Variants in SCFD2 observed in about 807,000 individuals in gnomAD.
The protein encoded by SCFD2 is sec1 family domain containing 2, also known as sec1 family domain-containing protein 2.
Under a neutral mutation model 58.9 loss-of-function variants are expected in SCFD2, and 54 were observed. The ratio of observed to expected loss-of-function variants is 0.92; its 90% confidence interval spans 0.74 to 1.15. The LOEUF is 1.15. Ranked by LOEUF, SCFD2 falls within the 50% of genes most tolerant of loss-of-function variation. SCFD2 has a pLI of 0.00. For synonymous variants in SCFD2, 321 were observed against 335.9 expected (o/e 0.96, Z 0.49); for missense variants, 805 against 836.6 (o/e 0.96, Z 0.47).
intron 4 of SCFD2, among the ~76,000 whole-genome samples, chr4:53,250,386 G>C (rs1437886743): frequency 6.6e-6 from 1 of 152,144 alleles, no homozygotes; most frequent in African/African-American, 2.4e-5. Flanking sequence ...ACATTAGACA[G>C]ATCAACAAGA....
chr4:52,921,288 A>G (rs184528168), intron 5 of SCFD2, among the ~76,000 whole-genome samples: 155 of 152,306 alleles, frequency 1.0e-3, no homozygotes, highest in Non-Finnish European at 2.0e-3. Context: ...AGTTTCCATA[A>G]AGCAGGACAG....
At chr4:53,047,355 G>T (rs1723067506) in intron 5 of SCFD2, among the ~76,000 whole-genome samples, 1 of 152,140 alleles carries the variant, frequency 6.6e-6, no homozygotes, top group Admixed American at 6.5e-5. Flanking sequence ...GGCTGAGGTG[G>T]GAGGATCACT....
intron 5 of SCFD2, among the ~76,000 whole-genome samples, chr4:53,119,292 T>G (rs960722391): frequency 5.4e-5 from 8 of 149,502 alleles, no homozygotes; most frequent in African/African-American, 2.0e-4. Flanking sequence ...CACTCCAGCT[T>G]GGGCAACAGA....
chr4:53,243,676 C>T (rs1729971057), intron 4 of SCFD2, among the ~76,000 whole-genome samples: 2 of 148,768 alleles, frequency 1.3e-5, no homozygotes, highest in Non-Finnish European at 3.0e-5. Flanking sequence ...TTAAAAGGCA[C>T]AAAGTAGCAA....
At chr4:53,090,117 T>C (rs1394589343) in intron 5 of SCFD2, among the ~76,000 whole-genome samples, 11 of 152,194 alleles carry the variant, frequency 7.2e-5, no homozygotes, top group Non-Finnish European at 1.5e-4. Context: ...GAAACTATGA[T>C]GTCTGGGTGG....
chr4:53,253,414 A>T (rs1730473701), intron 4 of SCFD2, among the ~76,000 whole-genome samples: 1 of 152,140 alleles, frequency 6.6e-6, no homozygotes, highest in African/African-American at 2.4e-5. Flanking sequence ...ACTATAAATC[A>T]TGCTGCTATA....
At chr4:53,076,297 A>G (rs868147957) in intron 5 of SCFD2, among the ~76,000 whole-genome samples, 1 of 152,158 alleles carries the variant, frequency 6.6e-6, no homozygotes, top group Admixed American at 6.6e-5. Flanking sequence ...AAAAATTCCA[A>G]TTTTATAAAG....
chr4:53,090,274 C>T (rs1210098385), intron 5 of SCFD2, among the ~76,000 whole-genome samples: 1 of 152,158 alleles, frequency 6.6e-6, no homozygotes, highest in Non-Finnish European at 1.5e-5. Flanking sequence ...AAACCTCTCA[C>T]AAACAGTTGG....
At chr4:53,052,717 G>C (rs1723217676) in intron 5 of SCFD2, among the ~76,000 whole-genome samples, 1 of 152,048 alleles carries the variant, frequency 6.6e-6, no homozygotes, top group Non-Finnish European at 1.5e-5. Context: ...GTCTGTTCTT[G>C]GTTCACTTTC....
intron 5 of SCFD2, among the ~76,000 whole-genome samples, chr4:52,969,956 T>C (rs531440540): frequency 7.0e-4 from 107 of 152,296 alleles, no homozygotes; most frequent in Middle Eastern, 3.4e-3. Flanking sequence ...TTTTCTTCAA[T>C]ACAGTTGCAT....
At chr4:52,986,521 C>G (rs563862529) in intron 5 of SCFD2, among the ~76,000 whole-genome samples, 3 of 101,742 alleles carry the variant, frequency 2.9e-5, no homozygotes, top group East Asian at 6.6e-4. Flanking sequence ...TTTTTTGAGA[C>G]GGAGTCTCAC....
At chr4:53,093,548 A>C (rs1210037880) in intron 5 of SCFD2, among the ~76,000 whole-genome samples, 2 of 152,190 alleles carry the variant, frequency 1.3e-5, no homozygotes. Flanking sequence ...CTTCTGTGTA[A>C]TAGCAATAGA....
chr4:53,254,842 T>C (rs1730541766), intron 4 of SCFD2, among the ~76,000 whole-genome samples: 1 of 139,298 alleles, frequency 7.2e-6, no homozygotes, highest in Admixed American at 7.2e-5. Context: ...TTTATTTTAT[T>C]TTATTTTATT....
At chr4:53,073,670 G>A (rs536404267) in intron 5 of SCFD2, among the ~76,000 whole-genome samples, 66 of 152,272 alleles carry the variant, frequency 4.3e-4, no homozygotes, top group Admixed American at 1.4e-3. Context: ...ATACTTCAGA[G>A]ATACTGTGGG....
rs1294035611 is a variant in SCFD2 at position 53,324,264 on chromosome 4, A to G, written c.1008-10501T>C. Among the ~76,000 whole-genome samples, 3 of 152,018 alleles carry G rather than the reference A, an allele frequency of 2.0e-5. No homozygotes were observed. In the East Asian group the frequency reaches 5.8e-4, roughly 29 times the overall value. On this transcript the variant is annotated intron_variant, in intron 2 of 8. Coordinates refer to ENST00000401642, the MANE Select transcript of SCFD2 (RefSeq NM_152540.4). ...AGACCCCATCTCTACAAAAAAATTTAAAAATTAGCTGGGCATGGTAGCACA... is the reference window on the plus strand; with the variant it reads ...AGACCCCATCTCTACAAAAAAATTTGAAAATTAGCTGGGCATGGTAGCACA...
intron 5 of SCFD2, among the ~76,000 whole-genome samples, chr4:53,053,480 C>T (rs1723240495): frequency 6.6e-6 from 1 of 152,162 alleles, no homozygotes; most frequent in African/African-American, 2.4e-5. Flanking sequence ...GATTCTATCA[C>T]AGCCTATAGG....
chr4:53,218,274 G>A (rs527982119), intron 4 of SCFD2, among the ~76,000 whole-genome samples: 3 of 152,248 alleles, frequency 2.0e-5, no homozygotes, highest in African/African-American at 7.2e-5. Context: ...TCACTTTCAG[G>A]TACACCAATC....
chr4:53,339,407 C>T (rs541564044), intron 2 of SCFD2, among the ~76,000 whole-genome samples: 9 of 150,844 alleles, frequency 6.0e-5, no homozygotes, highest in Middle Eastern at 3.5e-3. Flanking sequence ...ATGTATACAA[C>T]ATATATAAGT....
chr4:52,949,989 G>A (rs185115835), intron 5 of SCFD2: 29 of 152,246 alleles, frequency 1.9e-4, no homozygotes, highest in African/African-American at 6.5e-4. Flanking sequence ...AGGCAGAAGG[G>A]GTGGACCGAT....
Sources: gnomAD v4.1 joint callset for allele counts (sites outside exome capture counted in the v4.1 genomes callset) on GRCh38, gnomAD v4.1.1 for gene constraint, MANE v1.5 for transcripts, NCBI Gene and HGNC (gene_info 2026-07-23, HGNC 2026-07-21) for gene names.